Variants in GPR158 observed in about 807,000 individuals in gnomAD.
GPR158 encodes the protein G protein-coupled receptor 158.
Under a neutral mutation model 78.2 loss-of-function variants are expected in GPR158, and 30 were observed. That is an observed-to-expected ratio of 0.38 (90% confidence interval 0.29 to 0.52). The LOEUF (loss-of-function observed/expected upper bound fraction) is 0.52, where lower values mean the gene tolerates loss of function less well. Among genes scored for constraint, GPR158 ranks in the 20% least tolerant of loss-of-function variants. The probability of loss-of-function intolerance (pLI) is 0.83; values close to 1 mark genes in which losing one functional copy is unlikely to be tolerated. For missense variants in GPR158, 1,463 were observed against 1,523.5 expected (o/e 0.96, Z 0.66); for synonymous variants, 581 against 591.1 (o/e 0.98, Z 0.25).
intron 2 of GPR158, among the ~76,000 whole-genome samples, chr10:25,374,474 A>G (rs1186995714): frequency 6.6e-6 from 1 of 151,728 alleles, no homozygotes; most frequent in South Asian, 2.1e-4. Context: ...CAATTTTATC[A>G]CAAATGTAGG....
chr10:25,317,429 C>A (rs1369161626), intron 2 of GPR158, among the ~76,000 whole-genome samples: 2 of 151,854 alleles, frequency 1.3e-5, no homozygotes, highest in Non-Finnish European at 2.9e-5. Context: ...ATCCATTCTT[C>A]CTTGGGCATT....
intron 2 of GPR158, among the ~76,000 whole-genome samples, chr10:25,262,521 A>C (rs1481912188): frequency 6.6e-6 from 1 of 152,172 alleles, no homozygotes; most frequent in African/African-American, 2.4e-5. Context: ...ATAAATACCC[A>C]CAAATTTCTA....
intron 2 of GPR158, among the ~76,000 whole-genome samples, chr10:25,267,737 A>G (rs1405137641): frequency 2.0e-5 from 3 of 150,530 alleles, no homozygotes; most frequent in African/African-American, 7.5e-5. Flanking sequence ...GTTGAACCCA[A>G]TGTTGTTTTA....
chr10:25,202,102 T>A (rs1397572552), intron 1 of GPR158, among the ~76,000 whole-genome samples: 1 of 152,204 alleles, frequency 6.6e-6, no homozygotes, highest in Non-Finnish European at 1.5e-5. Context: ...TGAATTTTTC[T>A]GGTCCTGGGC....
intron 2 of GPR158, among the ~76,000 whole-genome samples, chr10:25,334,354 G>A (rs187810636): frequency 3.0e-4 from 46 of 152,108 alleles, no homozygotes; most frequent in East Asian, 1.9e-3. Flanking sequence ...TGCATTGAGA[G>A]CTTATTCTGT....
At chr10:25,248,510 TC>T (rs1853737466) in intron 2 of GPR158, among the ~76,000 whole-genome samples, 1 of 149,756 alleles carries the variant, frequency 6.7e-6, no homozygotes, top group Non-Finnish European at 1.5e-5. Context: ...AAGGAAGGGA[TC>T]CAGTTTCAGC....
intron 2 of GPR158, among the ~76,000 whole-genome samples, chr10:25,304,114 GT>G (rs1854634608): frequency 6.6e-6 from 1 of 151,340 alleles, no homozygotes; most frequent in African/African-American, 2.4e-5. Flanking sequence ...GGGTATGGTT[GT>G]TTTTTCGTTT....
chr10:25,421,978 C>T (rs570508624), intron 4 of GPR158, among the ~76,000 whole-genome samples: 1 of 152,278 alleles, frequency 6.6e-6, no homozygotes, highest in African/African-American at 2.4e-5. Context: ...ACCTTTCTAA[C>T]TGTAATTTCT....
chr10:25,225,646 C>T lies in GPR158; in HGVS notation c.1008+4489C>T, dbSNP rs75754877. ...TTTCTTTTTGCATGCCAATTAAAGT[C>T]GTGTTTATTCTGCTTTGGAGACCAC... On this transcript the variant is annotated intron_variant, in intron 2 of 10. Coordinates refer to ENST00000376351, the MANE Select transcript of GPR158 (RefSeq NM_020752.3). Among the ~76,000 whole-genome samples the T allele has an allele frequency of 6.7e-3, 1,026 of 152,166 alleles. 8 individuals are homozygous for T. Among genetic ancestry groups the T allele is most frequent in the African/African-American group, 0.024 (981 of 41,548 alleles).
chr10:25,177,091 T>TTATATTCGG (rs1236349113), intron 1 of GPR158, among the ~76,000 whole-genome samples: 3 of 152,154 alleles, frequency 2.0e-5, no homozygotes, highest in Non-Finnish European at 4.4e-5. Flanking sequence ...AAGGACCTAG[T>TTATATTCGG]TATATTCGGG....
chr10:25,341,191 A>G (rs765402335), intron 2 of GPR158, among the ~76,000 whole-genome samples: 1 of 152,026 alleles, frequency 6.6e-6, no homozygotes, highest in Non-Finnish European at 1.5e-5. Context: ...AGAAAATATT[A>G]ATGGGTATTC....
chr10:25,211,148 A>G (rs958585869), intron 1 of GPR158, among the ~76,000 whole-genome samples: 3 of 152,074 alleles, frequency 2.0e-5, no homozygotes, highest in African/African-American at 7.2e-5. Context: ...AAGAAAAAAA[A>G]AAAAACAGAA....
At chr10:25,348,677 G>T (rs7915893) in intron 2 of GPR158, among the ~76,000 whole-genome samples, 4,263 of 152,024 alleles carry the variant, frequency 0.028, 204 homozygotes, top group African/African-American at 0.098. Context: ...CAAGTAATGA[G>T]TTTGTAGTAT....
Position 25,598,811 on chromosome 10 carries a change from A to G in GPR158, c.3185A>G (p.Asn1062Ser). ...PKAAEVCQQSNQKRIDKAEVC... is the reference protein window; with the variant it reads ...PKAAEVCQQSSQKRIDKAEVC... ...GCAGCTGAGGTTTGTCAGCAATCCA[A>G]TCAGAAGCGCATAGATAAGGCTGAA... The change falls in exon 11 of 11, where the codon AAT (asparagine) becomes AGT (serine). Residue 1062 changes from asparagine to serine, a missense_variant. Transcript: ENST00000376351. 3.7e-6 allele frequency: 6 copies of G among 1,614,100 alleles called. No individual in the cohort carries two copies. The highest frequency in any genetic ancestry group is 2.2e-5 in the South Asian group (2 of 91,078).
chr10:25,419,757 A>G (rs76559820), intron 4 of GPR158, among the ~76,000 whole-genome samples: 3,200 of 152,248 alleles, frequency 0.021, 48 homozygotes, highest in Middle Eastern at 0.054. Flanking sequence ...CCTAATGATT[A>G]GTGACAGTTG....
chr10:25,555,336 G>A (rs1011758266), intron 6 of GPR158, among the ~76,000 whole-genome samples: 4 of 152,150 alleles, frequency 2.6e-5, no homozygotes, highest in African/African-American at 9.7e-5. Context: ...AGAAAGGAAA[G>A]AGTACAGCTT....
At chr10:25,455,393 AC>A (rs1245128567) in intron 4 of GPR158, among the ~76,000 whole-genome samples, 2 of 152,042 alleles carry the variant, frequency 1.3e-5, no homozygotes, top group Non-Finnish European at 2.9e-5. Flanking sequence ...ATATTATAAA[AC>A]TTTTTTTTCT....
At position 25,176,257 on chromosome 10, in the gene GPR158, C is replaced by T. The variant is rs1410310054; in HGVS notation, c.837C>T (p.Pro279=). Residue 279 remains proline, a synonymous_variant, in exon 1 of 11, where the codon CCC becomes CCT. Coordinates refer to ENST00000376351, the MANE Select transcript of GPR158 (RefSeq NM_020752.3). The surrounding 1 kb of genome is among the most constrained non-coding windows in gnomAD (Gnocchi z 6.3). ...AGTGCGAGAACGGGAGTTACAAGCC[C>T]GGGTGGCTGGTTACTCTTTCCTCTG... ...YLECENGSYK[P]GWLVTLSSAI... is the part of the protein sequence containing the mutation. 3 of 1,609,808 alleles carry T rather than the reference C, an allele frequency of 1.9e-6. No individual in the cohort carries two copies. Among genetic ancestry groups the T allele is most frequent in the East Asian group, 2.2e-5 (1 of 44,786 alleles).
At chr10:25,394,037 C>CTT (rs1834336927) in intron 2 of GPR158, among the ~76,000 whole-genome samples, 1 of 151,982 alleles carries the variant, frequency 6.6e-6, no homozygotes, top group African/African-American at 2.4e-5. Flanking sequence ...AATCACTTCA[C>CTT]CGTGAGCATT....
Sources: allele counts gnomAD v4.1 joint callset (sites outside exome capture counted in the v4.1 genomes callset), GRCh38; gene constraint gnomAD v4.1.1; non-coding constraint Gnocchi (gnomAD v3.1); transcripts MANE v1.5; gene names NCBI Gene and HGNC (gene_info 2026-07-23, HGNC 2026-07-21).